The following COL21A1 variants were observed in gnomAD, a reference collection of about 807,000 sequenced individuals.
COL21A1 encodes the protein collagen type XXI alpha 1 chain, also known as collagen alpha-1(XXI) chain.
A neutral mutation model predicts 137.9 loss-of-function variants in COL21A1; 149 were observed. The observed-to-expected ratio is 1.08, with a 90% confidence interval of 0.95 to 1.24. COL21A1 has a LOEUF of 1.24. Ranked by LOEUF, COL21A1 falls within the 50% of genes most tolerant of loss-of-function variation. The pLI, the probability that COL21A1 is intolerant of heterozygous loss-of-function variation, is 0.00. For synonymous variants in COL21A1, 456 were observed against 391.5 expected, an observed-to-expected ratio of 1.16 and a Z score of -1.95; for missense variants, 1,167 against 1,158.4, an observed-to-expected ratio of 1.01 and a Z score of -0.11.
intron 1 of COL21A1, among the ~76,000 whole-genome samples, chr6:56,259,464 C>G (rs887716673): frequency 5.9e-5 from 9 of 152,236 alleles, no homozygotes; most frequent in African/African-American, 2.2e-4. Context: ...ATCACCATAG[C>G]TTCCCTTGGC....
chr6:56,364,464 G>C (rs1008210700), intron 1 of COL21A1, among the ~76,000 whole-genome samples: 12 of 152,182 alleles, frequency 7.9e-5, no homozygotes, highest in African/African-American at 2.7e-4. Context: ...CATTTGTCTA[G>C]AAGAGAGGAT....
rs759100067 is a variant in COL21A1 at position 56,057,667 on chromosome 6, G to A, written c.2864C>T (p.Pro955Leu). Residue 955 changes from proline (P) to leucine (L), a missense_variant, in exon 30 of 30, where the codon CCA becomes CTA. Physicochemically the swap from Pro to Leu is moderately conservative, Grantham distance 98. Transcript: ENST00000244728. ...ATGAGGCATCAGACACTAATAGTTT[G>A]GTCCTTTTCTGAACGGATCTCTTCT... ...IARRDPFRKG[P>L]NY The A allele has an allele frequency of 3.5e-5, 57 of 1,612,774 alleles. No individual in the cohort carries two copies. Among genetic ancestry groups the A allele is most frequent in the Non-Finnish European group, 4.7e-5 (56 of 1,179,492 alleles).
intron 1 of COL21A1, among the ~76,000 whole-genome samples, chr6:56,241,921 C>G (rs561463412): frequency 1.1e-4 from 17 of 152,188 alleles, no homozygotes; most frequent in African/African-American, 3.4e-4. Flanking sequence ...AAAAAAGAAA[C>G]AGCAGATTGG....
At chr6:56,275,637 A>G (rs1763625798) in intron 1 of COL21A1, among the ~76,000 whole-genome samples, 1 of 152,234 alleles carries the variant, frequency 6.6e-6, no homozygotes, top group Admixed American at 6.5e-5. Context: ...ATCACTAATC[A>G]TCAGAGAAAT....
At chr6:56,151,571 A>G (rs1775322516) in intron 10 of COL21A1, among the ~76,000 whole-genome samples, 1 of 152,256 alleles carries the variant, frequency 6.6e-6, no homozygotes, top group African/African-American at 2.4e-5. Context: ...GGTTGAAGGC[A>G]CTTTTCAATT....
rs201644225 is a variant in COL21A1 at position 56,130,165 on chromosome 6, T to TTATATATATATATA, written c.1543-4030_1543-4017dup. Among the ~76,000 whole-genome samples the TTATATATATATATA allele has an allele frequency of 1.8e-3, 196 of 107,688 alleles. 2 individuals carry two copies. Among genetic ancestry groups the TTATATATATATATA allele is most frequent in the Non-Finnish European group, 2.6e-3 (140 of 52,978 alleles). The allele number at this position is 107,688 out of a possible 152,430, so 70.6% of individuals were successfully genotyped here. A position where few individuals can be genotyped will look rare whatever the true frequency, so the allele number is the denominator to read the frequency against. On this transcript the variant is annotated intron_variant, in intron 12 of 29. Transcript: ENST00000244728. The stretch of plus-strand genomic sequence containing the variant: ...CCCTGAGAGCATTCATGACAGGGTT[T>TTATATATATATATA]TATATATATATATATATATATATAT...
At chr6:56,338,457 G>A (rs951406850) in intron 1 of COL21A1, among the ~76,000 whole-genome samples, 1 of 152,058 alleles carries the variant, frequency 6.6e-6, no homozygotes, top group African/African-American at 2.4e-5. Context: ...TCTGAGCCCT[G>A]CCCCCTCTCA....
chr6:56,377,325 C>T (rs952564043), intron 1 of COL21A1, among the ~76,000 whole-genome samples: 8 of 151,952 alleles, frequency 5.3e-5, no homozygotes, highest in African/African-American at 1.9e-4. Flanking sequence ...GTCATCCCTC[C>T]CCAATCCCCG....
At chr6:56,161,922 G>A (rs116442510) in intron 9 of COL21A1, among the ~76,000 whole-genome samples, 2,426 of 152,130 alleles carry the variant, frequency 0.016, 31 homozygotes, top group Non-Finnish European at 0.025. Flanking sequence ...TCTCGACCCC[G>A]CACTCATCTC....
intron 1 of COL21A1, among the ~76,000 whole-genome samples, chr6:56,338,823 A>G (rs1201074721): frequency 6.6e-6 from 1 of 152,154 alleles, no homozygotes; most frequent in African/African-American, 2.4e-5. Context: ...CCTCTCTTGA[A>G]TGAGTCCCTG....
At position 56,302,496 on chromosome 6, in the gene COL21A1, T is replaced by C. The variant is rs1219269542; in HGVS notation, c.-39+91475A>G. 2.2e-3 allele frequency among the ~76,000 whole-genome samples: 336 copies of C among 152,020 alleles called. 2 individuals carry two copies. The highest frequency in any genetic ancestry group is 7.5e-3 in the African/African-American group (312 of 41,562). ...GATGGCCAGTGATGATGAGCATTTT[T>C]TCATGTGTCTGTTGGCTGCATAAAT... On this transcript the variant is annotated intron_variant, in intron 1 of 28. Coordinates refer to the COL21A1 transcript ENST00000370819.
At chr6:56,218,027 T>C (rs888620931) in intron 1 of COL21A1, among the ~76,000 whole-genome samples, 12 of 152,120 alleles carry the variant, frequency 7.9e-5, no homozygotes, top group Non-Finnish European at 1.0e-4. Flanking sequence ...TGACACACTA[T>C]GCAAAGTACT....
At chr6:56,059,072 T>C in intron 29 of COL21A1, 93 bp downstream of exon 29, 1 of 909,912 alleles carries the variant, frequency 1.1e-6, no homozygotes, top group Admixed American at 2.2e-5. Context: ...AGAAAACAGA[T>C]GTCTCAGTTT....
At chr6:56,108,876 T>C (rs1771173263) in intron 16 of COL21A1, among the ~76,000 whole-genome samples, 1 of 151,820 alleles carries the variant, frequency 6.6e-6, no homozygotes, top group Non-Finnish European at 1.5e-5. Flanking sequence ...GAAGAAATTA[T>C]ACAAACATTC....
intron 10 of COL21A1, among the ~76,000 whole-genome samples, chr6:56,150,679 T>C (rs1286644039): frequency 6.6e-6 from 1 of 152,098 alleles, no homozygotes; most frequent in Admixed American, 6.5e-5. Flanking sequence ...CCCACTAACA[T>C]AGAAAATCAT....
chr6:56,155,594 T>C (rs1391908384), intron 10 of COL21A1, among the ~76,000 whole-genome samples: 1 of 152,176 alleles, frequency 6.6e-6, no homozygotes, highest in Non-Finnish European at 1.5e-5. Context: ...CATTCAAACA[T>C]TCAAAAGCTA....
intron 17 of COL21A1, among the ~76,000 whole-genome samples, chr6:56,088,509 C>G (rs9370482): frequency 0.55 from 83,662 of 152,102 alleles, 23,347 homozygotes; most frequent in East Asian, 0.79. Context: ...TTTGCACCTG[C>G]CAGCATAGCT....
intron 1 of COL21A1, among the ~76,000 whole-genome samples, chr6:56,206,813 A>G (rs900098540): frequency 2.0e-5 from 3 of 151,306 alleles, no homozygotes; most frequent in African/African-American, 7.3e-5. Flanking sequence ...AGAAAATGCA[A>G]AAGAATGAAA....
At chr6:56,301,991 T>G (rs9689751) in intron 1 of COL21A1, among the ~76,000 whole-genome samples, 9,696 of 152,140 alleles carry the variant, frequency 0.064, 496 homozygotes, top group African/African-American at 0.14. Context: ...TGGTTTTTTG[T>G]CCTTGTGATA....
Sources: allele counts gnomAD v4.1 joint callset (sites outside exome capture counted in the v4.1 genomes callset), GRCh38; gene constraint gnomAD v4.1.1; transcripts MANE v1.5; gene names NCBI Gene and HGNC (gene_info 2026-07-23, HGNC 2026-07-21).